SGCZ: variants seen among roughly 807,000 people sequenced by gnomAD.
The protein encoded by SGCZ is sarcoglycan zeta, also known as zeta-sarcoglycan.
A neutral mutation model predicts 41.3 loss-of-function variants in SGCZ; 40 were observed. That is an observed-to-expected ratio of 0.97 (90% confidence interval 0.75 to 1.26). SGCZ has a LOEUF of 1.26. Among genes scored for constraint, SGCZ ranks in the 50% most tolerant of loss-of-function variants. The pLI is 0.00. For synonymous variants in SGCZ, 206 were observed against 137.5 expected, an observed-to-expected ratio of 1.50 and a Z score of -3.49; for missense variants, 552 against 369.8, an observed-to-expected ratio of 1.49 and a Z score of -4.04.
chr8:15,216,324 A>C (rs1426059550), intron 1 of SGCZ, among the ~76,000 whole-genome samples: 1 of 142,102 alleles, frequency 7.0e-6, no homozygotes, highest in Admixed American at 7.7e-5. Flanking sequence ...GGTTCACGCC[A>C]TTCTTCTGCC....
chr8:15,070,930 G>C (rs1805328789), intron 1 of SGCZ, among the ~76,000 whole-genome samples: 1 of 152,140 alleles, frequency 6.6e-6, no homozygotes, highest in Non-Finnish European at 1.5e-5. Context: ...AGAGTGCTCA[G>C]TTAAGTGGAG....
In SGCZ at chr8:14,622,740, A is replaced by G. The variant is rs115580094; in HGVS notation, c.40-67814T>C. Among the ~76,000 whole-genome samples, 1,350 of 152,322 alleles carry G rather than the reference A, an allele frequency of 8.9e-3. 20 individuals carry two copies. Among genetic ancestry groups the G allele is most frequent in the African/African-American group, 0.031 (1,276 of 41,582 alleles). ...TAAGTGAGAATGGTGTAAAAATTGT[A>G]TATGAGGAAACCAGAAGACTAAGGG... is the stretch of plus-strand genomic sequence containing the variant. On this transcript the variant is annotated intron_variant, in intron 1 of 7. Transcript: ENST00000382080.
chr8:15,033,264 C>A (rs1017701761), intron 1 of SGCZ, among the ~76,000 whole-genome samples: 3 of 151,994 alleles, frequency 2.0e-5, no homozygotes, highest in Non-Finnish European at 4.4e-5. Flanking sequence ...CCCACACACC[C>A]AAACTCCAGG....
chr8:14,705,736 A>T (rs1414341753), intron 1 of SGCZ, among the ~76,000 whole-genome samples: 1 of 152,098 alleles, frequency 6.6e-6, no homozygotes, highest in Non-Finnish European at 1.5e-5. Context: ...TCTGAAATAG[A>T]ACATAGTAAA....
At chr8:14,186,742 A>C (rs1804915557) in intron 4 of SGCZ, among the ~76,000 whole-genome samples, 1 of 152,206 alleles carries the variant, frequency 6.6e-6, no homozygotes, top group Non-Finnish European at 1.5e-5. Context: ...TGCTAGAAGA[A>C]GTTCAAACCT....
At chr8:14,267,988 G>T (rs1314957137) in intron 3 of SGCZ, among the ~76,000 whole-genome samples, 2 of 151,600 alleles carry the variant, frequency 1.3e-5, no homozygotes, top group African/African-American at 2.4e-5. Context: ...CATTTCAAAA[G>T]AATTATCATG....
At chr8:14,806,567 T>A (rs1373777537) in intron 1 of SGCZ, among the ~76,000 whole-genome samples, 1 of 152,016 alleles carries the variant, frequency 6.6e-6, no homozygotes, top group Non-Finnish European at 1.5e-5. Flanking sequence ...AATAACAGAA[T>A]CTGAAAATGT....
At chr8:14,118,766 A>C (rs139670546) in intron 5 of SGCZ, among the ~76,000 whole-genome samples, 1,659 of 152,268 alleles carry the variant, frequency 0.011, 29 homozygotes, top group African/African-American at 0.037. Context: ...GTCCAGTGTC[A>C]GTTTTCTGCA....
At chr8:14,095,868 G>A (rs79986213) in intron 7 of SGCZ, among the ~76,000 whole-genome samples, 1 of 152,238 alleles carries the variant, frequency 6.6e-6, no homozygotes. Context: ...TGTAGCACTT[G>A]TGAGTGGGAG....
intron 1 of SGCZ, among the ~76,000 whole-genome samples, chr8:15,013,672 G>C (rs1461940622): frequency 5.3e-5 from 8 of 152,132 alleles, no homozygotes; most frequent in African/African-American, 1.9e-4. Context: ...CACCAAGTCT[G>C]TGCACTTGGA....
Position 14,653,024 on chromosome 8 carries a change from A to C in SGCZ, c.40-98098T>G, listed in dbSNP as rs574205166. Among the ~76,000 whole-genome samples, 18 of 152,290 alleles carry C rather than the reference A, an allele frequency of 1.2e-4. No individual in the cohort carries two copies. The South Asian group carries it at 2.3e-3, about 19-fold the overall frequency. ...CAATTGTTAATATCATAAATTATGA[A>C]AGACTAGTTTATTGCCAGCAAAAAA... On this transcript the variant is annotated intron_variant, in intron 1 of 7. Coordinates refer to ENST00000382080, the MANE Select transcript of SGCZ (RefSeq NM_139167.4).
chr8:14,791,338 C>G (rs1279008323), intron 1 of SGCZ, among the ~76,000 whole-genome samples: 1 of 151,952 alleles, frequency 6.6e-6, no homozygotes, highest in Non-Finnish European at 1.5e-5. Context: ...CATTGGATGG[C>G]ACTAGGAGGC....
rs546741346 is a variant in SGCZ, at chr8:15,183,202, AATAGT to A, written c.39+54378_39+54382del. On this transcript the variant is annotated intron_variant, in intron 1 of 7. Transcript: ENST00000382080. ...AAGATTACACTCTAAAGTATGCATC[AATAGT>A]ATAGTAAATACATAAACCAGTAACA... Among the ~76,000 whole-genome samples, 275 of 152,346 alleles carry A rather than the reference AATAGT, an allele frequency of 1.8e-3. 1 individual carries two copies. The highest frequency in any genetic ancestry group is 6.5e-3 in the African/African-American group (269 of 41,574).
chr8:15,144,070 G>C (rs1456716195), intron 1 of SGCZ, among the ~76,000 whole-genome samples: 110 of 736 alleles, frequency 0.15, 49 homozygotes, highest in African/African-American at 0.15. Context: ...GAGCCACCGC[G>C]CCCGGCCCTA....
At chr8:14,726,307 A>AATATATATATATATATATAT (rs1554488696) in intron 1 of SGCZ, among the ~76,000 whole-genome samples, 1 of 75,850 alleles carries the variant, frequency 1.3e-5, no homozygotes, top group Non-Finnish European at 3.2e-5. Context: ...TATATGTGTA[A>AATATATATATATATATATAT]ATACATATAT....
chr8:14,513,862 C>G (rs1023131281), intron 2 of SGCZ, among the ~76,000 whole-genome samples: 4 of 151,884 alleles, frequency 2.6e-5, no homozygotes, highest in African/African-American at 9.7e-5. Context: ...TTTGTAACTA[C>G]TCTCTGTGCA....
intron 1 of SGCZ, among the ~76,000 whole-genome samples, chr8:14,678,583 G>T (rs1464063725): frequency 6.6e-6 from 1 of 152,140 alleles, no homozygotes; most frequent in Non-Finnish European, 1.5e-5. Context: ...ATCCATTGCT[G>T]GTAAGAATGC....
At chr8:14,656,522 TTTTCTTTCTTTTTTC>T (rs1807580365) in intron 1 of SGCZ, among the ~76,000 whole-genome samples, 2 of 150,308 alleles carry the variant, frequency 1.3e-5, no homozygotes, top group South Asian at 4.3e-4. Flanking sequence ...CTTCCTTTTC[TTTTCTTTCTTTTTTC>T]TTTCTTTCCC....
intron 1 of SGCZ, among the ~76,000 whole-genome samples, chr8:14,746,787 A>G (rs1799350161): frequency 6.6e-6 from 1 of 152,166 alleles, no homozygotes; most frequent in Admixed American, 6.6e-5. Context: ...GTGTATACCA[A>G]ACAGTATTTT....
Sources: allele counts gnomAD v4.1 joint callset (sites outside exome capture counted in the v4.1 genomes callset), GRCh38; gene constraint gnomAD v4.1.1; transcripts MANE v1.5; gene names NCBI Gene and HGNC (gene_info 2026-07-23, HGNC 2026-07-21).